OCA2: variants seen among roughly 807,000 people sequenced by gnomAD.
The protein encoded by OCA2 is OCA2 melanosomal transmembrane protein.
A neutral mutation model predicts 100.2 loss-of-function variants in OCA2; 77 were observed. That is an observed-to-expected ratio of 0.77 (90% CI 0.64 to 0.93). OCA2 has a LOEUF of 0.93. OCA2 is among the 40% of genes least tolerant of loss of function. The pLI is 0.00. For synonymous variants in OCA2, 432 were observed against 439.2 expected, an observed-to-expected ratio of 0.98 and a Z score of 0.21; for missense variants, 1,062 against 1,089.1, an observed-to-expected ratio of 0.98 and a Z score of 0.35.
intron 23 of OCA2, among the ~76,000 whole-genome samples, chr15:27,813,906 A>G (rs1595454048): frequency 6.6e-6 from 1 of 152,320 alleles, no homozygotes; most frequent in East Asian, 1.9e-4. Flanking sequence ...TTTAATTACT[A>G]TTTTATTGAT....
chr15:27,810,917 T>C (rs2034050472), intron 23 of OCA2, among the ~76,000 whole-genome samples: 1 of 152,200 alleles, frequency 6.6e-6, no homozygotes, highest in East Asian at 1.9e-4. Context: ...TTTTACCCTG[T>C]GGTGGGAATG....
At chr15:27,911,606 G>A (rs908907442) in intron 19 of OCA2, among the ~76,000 whole-genome samples, 4 of 151,984 alleles carry the variant, frequency 2.6e-5, no homozygotes, top group Non-Finnish European at 4.4e-5. Flanking sequence ...GAGAGAAGGG[G>A]GAGGTGCCAG....
intron 2 of OCA2, among the ~76,000 whole-genome samples, chr15:28,044,493 G>A (rs1348790324): frequency 2.0e-5 from 3 of 152,144 alleles, no homozygotes; most frequent in African/African-American, 4.8e-5. Flanking sequence ...CTGGAGACTC[G>A]TCACAGTGAA....
rs969168176 is a variant in OCA2, at chr15:27,841,592, T to C, written c.2432+3367A>G. Among the ~76,000 whole-genome samples, 21 of 152,360 alleles carry C rather than the reference T, an allele frequency of 1.4e-4. No homozygotes were observed. The South Asian group carries it at 1.7e-3, about 12-fold the overall frequency. ...AGCTAAAGTTTATCCATTTTGACTA[T>C]AGAATATCTAAAATTCCTTTGCCAA... On this transcript the variant is annotated intron_variant, in intron 23 of 23. Coordinates refer to ENST00000354638, the MANE Select transcript of OCA2 (RefSeq NM_000275.3).
chr15:27,760,170 C>T (rs886302249), intron 23 of OCA2, among the ~76,000 whole-genome samples: 1 of 151,766 alleles, frequency 6.6e-6, no homozygotes, highest in Non-Finnish European at 1.5e-5. Flanking sequence ...AAGAGATTGT[C>T]ACAAGGAAAG....
chr15:27,951,942 C>T lies in OCA2; in HGVS notation c.1843-50G>A, dbSNP rs746214073. ...TTTACTCTGCACAACCTTCTGACTCCTGCAGCGTGTCATAACCTACGCAAC... is the reference window on the plus strand; with the variant it reads ...TTTACTCTGCACAACCTTCTGACTCTTGCAGCGTGTCATAACCTACGCAAC... On this transcript the variant is annotated intron_variant, in intron 17 of 23. Coordinates refer to ENST00000354638, the MANE Select transcript of OCA2 (RefSeq NM_000275.3). 10 of 1,244,208 alleles carry T rather than the reference C, an allele frequency of 8.0e-6. No homozygotes were observed. The East Asian group carries it at 2.4e-4, about 29-fold the overall frequency. 77.1% of individuals were successfully genotyped at this position (1,244,208 alleles called of 1,614,324 possible).
chr15:28,015,271 C>G (rs1489224520), intron 8 of OCA2, among the ~76,000 whole-genome samples: 1 of 152,196 alleles, frequency 6.6e-6, no homozygotes, highest in Non-Finnish European at 1.5e-5. Context: ...AAGAGCAAAG[C>G]CAGCTATTTG....
chr15:27,847,081 G>T (rs1156632850), intron 22 of OCA2, among the ~76,000 whole-genome samples: 3 of 152,110 alleles, frequency 2.0e-5, no homozygotes, highest in African/African-American at 7.2e-5. Context: ...CCTCCCTGAG[G>T]GCCCTCCTTC....
intron 19 of OCA2, among the ~76,000 whole-genome samples, chr15:27,888,160 G>A (rs1243878182): frequency 6.6e-6 from 1 of 152,148 alleles, no homozygotes; most frequent in Non-Finnish European, 1.5e-5. Context: ...AGCCCAGCCT[G>A]GGGATATCCC....
intron 1 of OCA2, among the ~76,000 whole-genome samples, chr15:28,096,257 CTG>C (rs932918343): frequency 8.6e-5 from 13 of 150,686 alleles, no homozygotes; most frequent in African/African-American, 2.7e-4. Context: ...GGTCGTGTCT[CTG>C]GGGCTTGGTA....
At chr15:27,805,179 C>T (rs983981578) in intron 23 of OCA2, among the ~76,000 whole-genome samples, 21 of 152,218 alleles carry the variant, frequency 1.4e-4, no homozygotes, top group African/African-American at 4.6e-4. Flanking sequence ...GAGCGCCCAG[C>T]GCAGGAGCTG....
At position 28,022,371 on chromosome 15, in the gene OCA2, G is replaced by A. The variant is rs560835391; in HGVS notation, c.646+130C>T. 153 of 669,806 alleles carry A rather than the reference G, an allele frequency of 2.3e-4. No individual in the cohort carries two copies. In the African/African-American group the frequency reaches 3.4e-3, roughly 15 times the overall value. 41.5% of individuals were successfully genotyped at this position (669,806 alleles called of 1,614,324 possible). A position where few individuals can be genotyped will look rare whatever the true frequency, so the allele number is the denominator to read the frequency against. On this transcript the variant is annotated intron_variant, in intron 6 of 23. Coordinates refer to ENST00000354638, the MANE Select transcript of OCA2 (RefSeq NM_000275.3). Reference sequence around the variant, plus strand: ...ACTCCATCTCTCATCAGACATCCTGGAGAAACAAAATTCGAGTGGTAATGG... The same window carrying A: ...ACTCCATCTCTCATCAGACATCCTGAAGAAACAAAATTCGAGTGGTAATGG...
intron 18 of OCA2, among the ~76,000 whole-genome samples, chr15:27,942,012 T>C (rs1351558286): frequency 6.6e-6 from 1 of 152,004 alleles, no homozygotes; most frequent in Non-Finnish European, 1.5e-5. Context: ...CAATAACAAG[T>C]GCTGGTGAAA....
intron 18 of OCA2, among the ~76,000 whole-genome samples, chr15:27,935,453 A>G (rs1274207473): frequency 2.0e-5 from 3 of 152,182 alleles, no homozygotes; most frequent in Non-Finnish European, 4.4e-5. Context: ...CCTGGGCAAC[A>G]TGATTCAAAG....
intron 1 of OCA2, among the ~76,000 whole-genome samples, chr15:28,082,349 C>G (rs966821007): frequency 1.3e-5 from 2 of 152,174 alleles, no homozygotes; most frequent in Non-Finnish European, 2.9e-5. Context: ...TTGGTTTTCA[C>G]AGTAAATCTT....
At chr15:27,773,235 T>C (rs2031994652) in intron 23 of OCA2, among the ~76,000 whole-genome samples, 1 of 152,212 alleles carries the variant, frequency 6.6e-6, no homozygotes, top group African/African-American at 2.4e-5. Context: ...TATATAATTT[T>C]GGTTTAGGTT....
At chr15:27,815,688 C>A (rs894236929) in intron 23 of OCA2, among the ~76,000 whole-genome samples, 3 of 152,200 alleles carry the variant, frequency 2.0e-5, no homozygotes, top group Admixed American at 2.0e-4. Flanking sequence ...TAGGATGGAA[C>A]ACATGTGACC....
intron 23 of OCA2, among the ~76,000 whole-genome samples, chr15:27,832,900 T>C (rs1000743139): frequency 1.3e-5 from 2 of 150,428 alleles, no homozygotes; most frequent in African/African-American, 4.9e-5. Flanking sequence ...GCACCCTCTG[T>C]TTCCCGGGTT....
chr15:27,779,980 A>G (rs2032453640), intron 23 of OCA2, among the ~76,000 whole-genome samples: 1 of 152,190 alleles, frequency 6.6e-6, no homozygotes, highest in Non-Finnish European at 1.5e-5. Context: ...TCAAAAATCT[A>G]AGAGGGTAGA....
Sources: allele counts gnomAD v4.1 joint callset (sites outside exome capture counted in the v4.1 genomes callset), GRCh38; gene constraint gnomAD v4.1.1; transcripts MANE v1.5; gene names NCBI Gene and HGNC (gene_info 2026-07-23, HGNC 2026-07-21).